Variants in NECTIN1 observed in about 807,000 individuals in gnomAD.
NECTIN1 encodes the protein nectin cell adhesion molecule 1.
In NECTIN1, 23 loss-of-function variants were observed where a neutral mutation model predicts 48.0. The ratio of observed to expected loss-of-function variants is 0.48; its 90% CI spans 0.34 to 0.68. NECTIN1 has a LOEUF of 0.68. Among genes scored for constraint, NECTIN1 ranks in the 30% least tolerant of loss-of-function variants. The pLI is 0.01. For synonymous variants in NECTIN1, 270 were observed against 288.9 expected (o/e 0.93, Z 0.66); for missense variants, 591 against 709.9 (o/e 0.83, Z 1.90).
At position 119,684,089 on chromosome 11, in the gene NECTIN1, G is replaced by A. The variant is rs572123426; in HGVS notation, c.80-5324C>T. ...ACAGGTTCCCACGCAGCGGGGTGTG[G>A]CACACTTCGCTCCCCACATACCCAC... On this transcript the variant is annotated intron_variant, in intron 1 of 5. Coordinates refer to ENST00000264025, the MANE Select transcript of NECTIN1 (RefSeq NM_002855.5). This position sits in a 1 kb window ranked among gnomAD's most constrained non-coding sequence, Gnocchi z 5.2. 2.0e-5 allele frequency among the ~76,000 whole-genome samples: 3 copies of A among 152,230 alleles called. No homozygotes were observed. The highest frequency in any genetic ancestry group is 4.4e-5 in the Non-Finnish European group (3 of 68,044).
intron 1 of NECTIN1, among the ~76,000 whole-genome samples, chr11:119,695,455 G>A (rs1039022700): frequency 6.6e-6 from 1 of 151,062 alleles, no homozygotes; most frequent in East Asian, 2.1e-4. Context: ...CACAGTGTTG[G>A]CTGTGCCATG....
rs1864701196 is a variant in NECTIN1 at position 119,663,347 on chromosome 11, C to T, written c.*1400G>A. The T allele has an allele frequency of 1.0e-6, 1 of 985,278 alleles. No homozygotes were observed. The highest frequency in any genetic ancestry group is 4.7e-5 in the South Asian group (1 of 21,296). 61.0% of individuals were successfully genotyped at this position (985,278 alleles called of 1,614,324 possible). A position where few individuals can be genotyped will look rare whatever the true frequency, so the allele number is the denominator to read the frequency against. On this transcript the variant is annotated 3_prime_UTR_variant, in exon 6 of 6. Transcript: ENST00000264025. ...CCTCCATTATATACATGGGAAGACC[C>T]AGTCTGGGGTGGCTGATAGGAACTC...
In NECTIN1 at chr11:119,665,358, G is replaced by A. The variant is rs184495515; in HGVS notation, c.1004-61C>T. ...GCGTGTGCTCCTGGGGTGTAGAGGGGGTGGGAGGGAGGCAGGGAAAGGAGA... is the reference window on the plus strand; with the variant it reads ...GCGTGTGCTCCTGGGGTGTAGAGGGAGTGGGAGGGAGGCAGGGAAAGGAGA... On this transcript the variant is annotated intron_variant, in intron 5 of 5. Transcript: ENST00000264025. This position sits in a 1 kb window ranked among gnomAD's most constrained non-coding sequence, Gnocchi z 5.1. 2.2e-4 allele frequency: 326 copies of A among 1,512,802 alleles called. No individual in the cohort carries two copies. Among genetic ancestry groups the A allele is most frequent in the Non-Finnish European group, 2.5e-4 (289 of 1,134,696 alleles). The allele number at this position is 1,512,802 out of a possible 1,614,324, so 93.7% of individuals were successfully genotyped here.
intron 5 of NECTIN1, among the ~76,000 whole-genome samples, chr11:119,669,558 G>A (rs1349023362): frequency 1.3e-5 from 2 of 152,092 alleles, no homozygotes; most frequent in African/African-American, 4.8e-5. Flanking sequence ...CTTTCCCTCT[G>A]TGGACTGTTT....
intron 1 of NECTIN1, among the ~76,000 whole-genome samples, chr11:119,693,257 G>A (rs1309045950): frequency 6.6e-6 from 1 of 152,176 alleles, no homozygotes; most frequent in Non-Finnish European, 1.5e-5. Context: ...CTCCACCTGT[G>A]AAACCTGGAG....
At chr11:119,689,211 G>C (rs1865210818) in intron 1 of NECTIN1, among the ~76,000 whole-genome samples, 1 of 152,216 alleles carries the variant, frequency 6.6e-6, no homozygotes, top group South Asian at 2.1e-4. Context: ...AAGTCATTAA[G>C]TTTTGCCGTT....
At chr11:119,682,871 C>T (rs926454291) in intron 1 of NECTIN1, among the ~76,000 whole-genome samples, 14 of 152,140 alleles carry the variant, frequency 9.2e-5, no homozygotes, top group Admixed American at 6.5e-5. Flanking sequence ...TGCTACTAGG[C>T]GCCCCTCTTC....
Position 119,662,497 on chromosome 11 carries a change from A to G in NECTIN1, c.*2250T>C. 4 of 985,836 alleles carry G rather than the reference A, an allele frequency of 4.1e-6. No homozygotes were observed. The highest frequency in any genetic ancestry group is 4.8e-6 in the Non-Finnish European group (4 of 830,006). The allele number at this position is 985,836 out of a possible 1,614,324, so 61.1% of individuals were successfully genotyped here. ...GTGGAGGTGTCTTAAGGGGGAACTCAGTGCTTTGGCTGGGCTTGGGGCCTT... is the reference window on the plus strand; with the variant it reads ...GTGGAGGTGTCTTAAGGGGGAACTCGGTGCTTTGGCTGGGCTTGGGGCCTT... On this transcript the variant is annotated 3_prime_UTR_variant, in exon 6 of 6. Transcript: ENST00000264025. The surrounding 1 kb of genome is among the most constrained non-coding windows in gnomAD (Gnocchi z 5.3).
In NECTIN1 at chr11:119,665,316, T is replaced by C. The variant is rs749311453; in HGVS notation, c.1004-19A>G. The C allele has an allele frequency of 3.1e-5, 44 of 1,428,516 alleles. No homozygotes were observed. The East Asian group carries it at 1.3e-3, about 41-fold the overall frequency. 88.5% of individuals were successfully genotyped at this position (1,428,516 alleles called of 1,614,324 possible). A position where few individuals can be genotyped will look rare whatever the true frequency, so the allele number is the denominator to read the frequency against. ...GGGAATTCTGGGTGAGGAAAAGAGA[T>C]GGAGGGGACAGCATCAGCGTGTGCT... On this transcript the variant is annotated intron_variant, in intron 5 of 5. Coordinates refer to ENST00000264025, the MANE Select transcript of NECTIN1 (RefSeq NM_002855.5). This position sits in a 1 kb window ranked among gnomAD's most constrained non-coding sequence, Gnocchi z 5.1.
intron 1 of NECTIN1, among the ~76,000 whole-genome samples, chr11:119,686,607 C>T (rs1369144441): frequency 1.3e-5 from 2 of 152,228 alleles, no homozygotes; most frequent in African/African-American, 2.4e-5. Context: ...AACCTCCAGC[C>T]ACTTCCTCTC....
At chr11:119,696,383 T>C (rs1274765650) in intron 1 of NECTIN1, among the ~76,000 whole-genome samples, 1 of 152,080 alleles carries the variant, frequency 6.6e-6, no homozygotes, top group Non-Finnish European at 1.5e-5. Context: ...AGAGTGGGCC[T>C]CTTGTCAGTG....
At position 119,680,442 on chromosome 11, in the gene NECTIN1, TG is replaced by T. The variant is rs532335975; in HGVS notation, c.80-1678del. 1.2e-3 allele frequency among the ~76,000 whole-genome samples: 190 copies of T among 152,316 alleles called. 2 individuals are homozygous for T. The highest frequency in any genetic ancestry group is 4.4e-3 in the African/African-American group (181 of 41,572). ...ATCTAAATGACCCCCCAAGGGAGTC[TG>T]GGATCCAAGAGTGGGAATTTGGGGC... On this transcript the variant is annotated intron_variant, in intron 1 of 5. Transcript: ENST00000264025.
intron 5 of NECTIN1, among the ~76,000 whole-genome samples, chr11:119,648,018 C>T (rs763500296): frequency 8.4e-6 from 1 of 119,098 alleles, no homozygotes; most frequent in Non-Finnish European, 1.6e-5. Flanking sequence ...GAGCTGAGAT[C>T]GTGCCACTGC....
rs760413547 is a variant in NECTIN1 at position 119,677,636 on chromosome 11, C to T, written c.652G>A (p.Glu218Lys). Residue 218 changes from glutamate (E) to lysine (K), a missense_variant, in exon 3 of 6, where the codon GAA becomes AAA. Physicochemically the swap from Glu to Lys is moderately conservative, Grantham distance 56. Coordinates refer to ENST00000264025, the MANE Select transcript of NECTIN1 (RefSeq NM_002855.5). This position sits in a 1 kb window ranked among gnomAD's most constrained non-coding sequence, Gnocchi z 5.4. ...ISRYRLVPSR[E>K]AHQQSLACIV... ...CAGGCCAAGGACTGCTGGTGGGCTT[C>T]CCTGCTGGGCACCAGGCGGTAGCGG... is the stretch of plus-strand genomic sequence containing the variant. The T allele has an allele frequency of 8.1e-6, 13 of 1,613,920 alleles. No homozygotes were observed. The highest frequency in any genetic ancestry group is 1.1e-5 in the Non-Finnish European group (13 of 1,180,014).
At chr11:119,648,630 G>T (rs1357991162) in intron 5 of NECTIN1, among the ~76,000 whole-genome samples, 4 of 151,836 alleles carry the variant, frequency 2.6e-5, no homozygotes. Context: ...GTGCCCTGAA[G>T]AGCTCTAAAA....
In NECTIN1 at chr11:119,727,732, A is replaced by G. The variant is rs577558698; in HGVS notation, c.79+743T>C. 2.6e-5 allele frequency among the ~76,000 whole-genome samples: 4 copies of G among 152,254 alleles called. No homozygotes were observed. In the East Asian group the frequency reaches 7.7e-4, roughly 29 times the overall value. ...GGCAGCCCGCACCTCGAGGAAGGAC[A>G]CGCGGGGCACCCTCGGGAAAGTGGG... is the stretch of plus-strand genomic sequence containing the variant. On this transcript the variant is annotated intron_variant, in intron 1 of 5. Transcript: ENST00000264025. The surrounding 1 kb of genome is among the most constrained non-coding windows in gnomAD (Gnocchi z 4.1).
rs7944707 is a variant in NECTIN1 at position 119,661,890 on chromosome 11, T to G, written c.*2857A>C. On this transcript the variant is annotated 3_prime_UTR_variant, in exon 6 of 6. Coordinates refer to ENST00000264025, the MANE Select transcript of NECTIN1 (RefSeq NM_002855.5). ...CGTGGGTGTGTTGGAGGTGTGAGTG[T>G]GTCCACTGTGGGCACACGTACTGGG... is the stretch of plus-strand genomic sequence containing the variant. 15,033 of 985,290 alleles carry G rather than the reference T, an allele frequency of 0.015. 1,659 individuals carry two copies. The African/African-American group carries it at 0.24, about 16-fold the overall frequency. 61.0% of individuals were successfully genotyped at this position (985,290 alleles called of 1,614,324 possible).
chr11:119,723,734 CG>C (rs1284845820), intron 1 of NECTIN1, among the ~76,000 whole-genome samples: 3 of 152,174 alleles, frequency 2.0e-5, no homozygotes, highest in Non-Finnish European at 2.9e-5. Flanking sequence ...CCCAACAGCA[CG>C]AGAGAATCCA....
chr11:119,692,292 C>T (rs865987750), intron 1 of NECTIN1, among the ~76,000 whole-genome samples: 2 of 152,132 alleles, frequency 1.3e-5, no homozygotes, highest in African/African-American at 4.8e-5. Flanking sequence ...CGCCCAGCTG[C>T]GGATGCAGCT....
Sources: allele counts gnomAD v4.1 joint callset (sites outside exome capture counted in the v4.1 genomes callset), GRCh38; gene constraint gnomAD v4.1.1; non-coding constraint Gnocchi (gnomAD v3.1); transcripts MANE v1.5; gene names NCBI Gene and HGNC (gene_info 2026-07-23, HGNC 2026-07-21).